The following GPR158 variants were observed in gnomAD, a reference collection of about 807,000 sequenced individuals.
GPR158 encodes G protein-coupled receptor 158, also known as metabotropic glycine receptor.
A neutral mutation model predicts 78.2 loss-of-function variants in GPR158; 30 were observed. The ratio of observed to expected loss-of-function variants is 0.38; its 90% confidence interval spans 0.29 to 0.52. GPR158 has a LOEUF of 0.52. Among genes scored for constraint, GPR158 ranks in the 20% least tolerant of loss-of-function variants. The pLI, the probability that GPR158 is intolerant of heterozygous loss-of-function variation, is 0.83. For synonymous variants in GPR158, 581 were observed against 591.1 expected (o/e 0.98, Z 0.25); for missense variants, 1,463 against 1,523.5 (o/e 0.96, Z 0.66).
intron 2 of GPR158, among the ~76,000 whole-genome samples, chr10:25,250,503 G>T (rs1441330144): frequency 8.2e-5 from 12 of 146,392 alleles, no homozygotes; most frequent in African/African-American, 3.1e-4. Context: ...AGAGATTCTG[G>T]TATGTGGTGT....
At position 25,457,240 on chromosome 10, in the gene GPR158, C is replaced by T. The variant is rs1034809087; in HGVS notation, c.1336-9411C>T. Among the ~76,000 whole-genome samples, 9 of 150,312 alleles carry T rather than the reference C, an allele frequency of 6.0e-5. No homozygotes were observed. In the South Asian group the frequency reaches 8.4e-4, roughly 14 times the overall value. On this transcript the variant is annotated intron_variant, in intron 4 of 10. Coordinates refer to ENST00000376351, the MANE Select transcript of GPR158 (RefSeq NM_020752.3). ...GAACTCCTGACCTCAGGTGATCCACCGGCCTTGGCCTCCCAAAGTGCGGGA... is the reference window on the plus strand; with the variant it reads ...GAACTCCTGACCTCAGGTGATCCACTGGCCTTGGCCTCCCAAAGTGCGGGA...
intron 5 of GPR158, among the ~76,000 whole-genome samples, chr10:25,539,675 T>C (rs1836549032): frequency 6.6e-6 from 1 of 152,160 alleles, no homozygotes; most frequent in South Asian, 2.1e-4. Context: ...CTATGGAAGC[T>C]ATTCAATTTT....
At chr10:25,202,352 C>T (rs1253753933) in intron 1 of GPR158, among the ~76,000 whole-genome samples, 1 of 151,934 alleles carries the variant, frequency 6.6e-6, no homozygotes, top group African/African-American at 2.4e-5. Flanking sequence ...GTGCTACACC[C>T]ATTAACTCGT....
chr10:25,558,158 CA>C (rs1364120271), intron 6 of GPR158, among the ~76,000 whole-genome samples: 1 of 152,192 alleles, frequency 6.6e-6, no homozygotes, highest in Non-Finnish European at 1.5e-5. Context: ...AGCTATGTGC[CA>C]TATCTGAAAC....
chr10:25,521,034 C>T (rs1836263252), intron 5 of GPR158, among the ~76,000 whole-genome samples: 1 of 152,204 alleles, frequency 6.6e-6, no homozygotes, highest in African/African-American at 2.4e-5. Context: ...GGGCGTAGGA[C>T]CCTCCGAGCC....
chr10:25,505,436 G>A (rs987537798), intron 5 of GPR158, among the ~76,000 whole-genome samples: 1 of 152,158 alleles, frequency 6.6e-6, no homozygotes, highest in Non-Finnish European at 1.5e-5. Flanking sequence ...CTCGGTGTCT[G>A]CATCTTCTAG....
chr10:25,183,650 A>G (rs929458718), intron 1 of GPR158, among the ~76,000 whole-genome samples: 5 of 152,226 alleles, frequency 3.3e-5, no homozygotes, highest in Admixed American at 6.5e-5. Context: ...CATTTAATAA[A>G]TATGACTAAA....
intron 4 of GPR158, among the ~76,000 whole-genome samples, chr10:25,459,715 T>C (rs965924552): frequency 3.3e-5 from 5 of 152,226 alleles, no homozygotes; most frequent in African/African-American, 1.2e-4. Flanking sequence ...CCCAGGCAAA[T>C]CTTCTATGGC....
At chr10:25,542,159 T>A (rs1051219478) in intron 5 of GPR158, among the ~76,000 whole-genome samples, 2 of 151,990 alleles carry the variant, frequency 1.3e-5, no homozygotes, top group African/African-American at 4.8e-5. Context: ...GTTCTCACAC[T>A]CTCTACTAAC....
intron 5 of GPR158, among the ~76,000 whole-genome samples, chr10:25,469,210 G>A (rs554054197): frequency 6.6e-6 from 1 of 152,230 alleles, no homozygotes; most frequent in Admixed American, 6.5e-5. Flanking sequence ...TAGCCTCAAA[G>A]TTTAAGTACT....
rs1054210019 is a variant in GPR158 at position 25,263,644 on chromosome 10, A to G, written c.1008+42487A>G. Among the ~76,000 whole-genome samples, 5 of 152,204 alleles carry G rather than the reference A, an allele frequency of 3.3e-5. No individual in the cohort carries two copies. In the South Asian group the frequency reaches 6.2e-4, roughly 19 times the overall value. ...GCTGTAGGGGCCATTATATGCTACA[A>G]TAAATTTTAAGGCCGGGTGCTGTGG... On this transcript the variant is annotated intron_variant, in intron 2 of 10. Coordinates refer to ENST00000376351, the MANE Select transcript of GPR158 (RefSeq NM_020752.3).
At chr10:25,278,410 G>A (rs552575425) in intron 2 of GPR158, among the ~76,000 whole-genome samples, 63 of 152,044 alleles carry the variant, frequency 4.1e-4, no homozygotes, top group Admixed American at 3.2e-3. Flanking sequence ...AAATATGAGC[G>A]ATTAAGATAT....
chr10:25,362,073 T>C (rs824148), intron 2 of GPR158, among the ~76,000 whole-genome samples: 100,698 of 151,758 alleles, frequency 0.66, 34,512 homozygotes, highest in Non-Finnish European at 0.76. Context: ...TCCTGAAATA[T>C]TTCCTGTATG....
intron 1 of GPR158, among the ~76,000 whole-genome samples, chr10:25,202,834 T>A (rs1564390123): frequency 6.6e-6 from 1 of 152,206 alleles, no homozygotes; most frequent in Non-Finnish European, 1.5e-5. Context: ...CACCACACTG[T>A]CTTCCACAAT....
intron 4 of GPR158, among the ~76,000 whole-genome samples, chr10:25,457,930 AAAC>A (rs750017902): frequency 1.1e-4 from 16 of 152,372 alleles, no homozygotes; most frequent in African/African-American, 2.2e-4. Flanking sequence ...TTTGAAAACA[AAAC>A]AACAACAAAA....
At chr10:25,435,590 G>A (rs1029585272) in intron 4 of GPR158, among the ~76,000 whole-genome samples, 10 of 152,286 alleles carry the variant, frequency 6.6e-5, no homozygotes, top group South Asian at 2.1e-4. Context: ...TGGAGAGGTC[G>A]TCAGGACTCA....
intron 5 of GPR158, among the ~76,000 whole-genome samples, chr10:25,535,513 C>T (rs1836487354): frequency 6.6e-6 from 1 of 152,182 alleles, no homozygotes; most frequent in Non-Finnish European, 1.5e-5. Flanking sequence ...TATCCTTCTC[C>T]AGTTTAGCCT....
rs191395605 is a variant in GPR158 at position 25,288,316 on chromosome 10, A to G, written c.1008+67159A>G. Among the ~76,000 whole-genome samples the G allele has an allele frequency of 1.6e-3, 237 of 152,292 alleles. 2 individuals carry two copies. Among genetic ancestry groups the G allele is most frequent in the African/African-American group, 5.6e-3 (232 of 41,570 alleles). ...AGGGTGATTAATCAGGGTACTTCAG[A>G]ATTCTGAAGAGCATCTAGTCCTGCT... On this transcript the variant is annotated intron_variant, in intron 2 of 10. Transcript: ENST00000376351.
chr10:25,400,272 A>G (rs1834423341), intron 3 of GPR158, among the ~76,000 whole-genome samples: 2 of 152,188 alleles, frequency 1.3e-5, no homozygotes, highest in Admixed American at 1.3e-4. Flanking sequence ...TTATAATTGT[A>G]AATATAGCAA....
Sources: allele counts gnomAD v4.1 joint callset (sites outside exome capture counted in the v4.1 genomes callset), GRCh38; gene constraint gnomAD v4.1.1; transcripts MANE v1.5; gene names NCBI Gene and HGNC (gene_info 2026-07-23, HGNC 2026-07-21).